Variants in SPSB4 observed in about 807,000 individuals in gnomAD.
The protein encoded by SPSB4 is SPRY domain-containing SOCS box protein 4.
In SPSB4, 21 loss-of-function variants were observed where a neutral mutation model predicts 20.9. The observed-to-expected ratio is 1.01, with a 90% CI of 0.71 to 1.45. SPSB4 has a LOEUF of 1.45. Ranked by LOEUF, SPSB4 falls within the 40% of genes most tolerant of loss-of-function variation. The pLI is 0.00. For missense variants in SPSB4, 399 were observed against 399.2 expected (o/e 1.00, Z 0.00); for synonymous variants, 207 against 183.8 (o/e 1.13, Z -1.02).
At chr3:141,141,871 T>C (rs900058767) in intron 2 of SPSB4, among the ~76,000 whole-genome samples, 4 of 152,236 alleles carry the variant, frequency 2.6e-5, no homozygotes, top group African/African-American at 9.6e-5. Flanking sequence ...CTTTTGTATT[T>C]CTGTGGTATC....
chr3:141,090,488 AGT>A (rs565512303), intron 2 of SPSB4, among the ~76,000 whole-genome samples: 420 of 152,298 alleles, frequency 2.8e-3, no homozygotes, highest in African/African-American at 9.6e-3. Flanking sequence ...TCGTGGAGAA[AGT>A]GATATTTAAG....
At chr3:141,109,289 A>G (rs1010877739) in intron 2 of SPSB4, among the ~76,000 whole-genome samples, 6 of 152,048 alleles carry the variant, frequency 3.9e-5, no homozygotes, top group South Asian at 2.1e-4. Flanking sequence ...GTGATTCAGC[A>G]CATGGAGCTT....
At position 141,127,159 on chromosome 3, in the gene SPSB4, C is replaced by A. The variant is rs368301073; in HGVS notation, c.695-19983C>A. On this transcript the variant is annotated intron_variant, in intron 2 of 2. Coordinates refer to ENST00000310546, the MANE Select transcript of SPSB4 (RefSeq NM_080862.3). ...CAGCTGGGAGGGGGTCAATAGTGAA[C>A]ACCCATGTGGCTCAGCAGGGCTGGG... 2.2e-4 allele frequency among the ~76,000 whole-genome samples: 33 copies of A among 152,370 alleles called. No individual in the cohort carries two copies. In the South Asian group the frequency reaches 2.3e-3, roughly 11 times the overall value.
At chr3:141,085,233 G>A (rs532314455) in intron 2 of SPSB4, among the ~76,000 whole-genome samples, 23 of 152,352 alleles carry the variant, frequency 1.5e-4, no homozygotes, top group African/African-American at 4.6e-4. Flanking sequence ...GGGAGAAAAT[G>A]AGGAGTTGGA....
At chr3:141,062,281 A>G (rs988850286) in intron 1 of SPSB4, among the ~76,000 whole-genome samples, 2 of 152,110 alleles carry the variant, frequency 1.3e-5, no homozygotes, top group Non-Finnish European at 2.9e-5. Context: ...ATATCATATC[A>G]AGGGTACACA....
intron 1 of SPSB4, among the ~76,000 whole-genome samples, chr3:141,056,345 A>G (rs1196911631): frequency 1.3e-5 from 2 of 152,112 alleles, no homozygotes; most frequent in African/African-American, 4.8e-5. Context: ...ATTCTATGAA[A>G]TGTGCAAGTT....
At chr3:141,107,183 C>A (rs911708383) in intron 2 of SPSB4, among the ~76,000 whole-genome samples, 1 of 152,200 alleles carries the variant, frequency 6.6e-6, no homozygotes, top group Admixed American at 6.5e-5. Context: ...CCCAAGGGAT[C>A]TGAAATGTTT....
intron 2 of SPSB4, among the ~76,000 whole-genome samples, chr3:141,086,233 G>A (rs894459373): frequency 6.6e-6 from 1 of 152,186 alleles, no homozygotes; most frequent in Non-Finnish European, 1.5e-5. Context: ...TGTGAAAGGG[G>A]GTAATACTAC....
At chr3:141,133,620 G>A (rs1164945910) in intron 2 of SPSB4, among the ~76,000 whole-genome samples, 1 of 152,118 alleles carries the variant, frequency 6.6e-6, no homozygotes, top group African/African-American at 2.4e-5. Flanking sequence ...CTTTATCTCT[G>A]GGTTCTCTAT....
intron 2 of SPSB4, among the ~76,000 whole-genome samples, chr3:141,130,515 GTCAC>G (rs1939116073): frequency 6.6e-6 from 1 of 152,166 alleles, no homozygotes; most frequent in Non-Finnish European, 1.5e-5. Flanking sequence ...TTTCAGGGCT[GTCAC>G]TCAAACCCTC....
chr3:141,064,943 G>C (rs763290621), intron 1 of SPSB4, among the ~76,000 whole-genome samples: 3 of 152,172 alleles, frequency 2.0e-5, no homozygotes, highest in Non-Finnish European at 4.4e-5. Context: ...ATCGAACAAA[G>C]AGCTCACCCA....
chr3:141,052,176 T>C (rs776373584), intron 1 of SPSB4, among the ~76,000 whole-genome samples, 184 bp downstream of exon 1: 18 of 152,100 alleles, frequency 1.2e-4, no homozygotes, highest in Non-Finnish European at 2.6e-4. Flanking sequence ...CCTGGGGCGT[T>C]TGGGGCCCGG....
chr3:141,140,108 T>C (rs1939299158), intron 2 of SPSB4, among the ~76,000 whole-genome samples: 1 of 152,238 alleles, frequency 6.6e-6, no homozygotes, highest in South Asian at 2.1e-4. Flanking sequence ...TGATACCCTT[T>C]CTTCCAGTTG....
chr3:141,055,457 C>T (rs1449253668), intron 1 of SPSB4, among the ~76,000 whole-genome samples: 1 of 152,094 alleles, frequency 6.6e-6, no homozygotes, highest in Non-Finnish European at 1.5e-5. Flanking sequence ...CCCTGGGTGC[C>T]AAGCAAAGAG....
At position 141,066,774 on chromosome 3, in the gene SPSB4, A is replaced by ACTGTGAG. The variant is rs1937894476; in HGVS notation, c.670_671insCTGTGAG (p.Met224ThrfsTer10). On this transcript the variant is annotated frameshift_variant, in exon 2 of 3. Coordinates refer to ENST00000310546, the MANE Select transcript of SPSB4 (RefSeq NM_080862.3). LOFTEE classifies it high-confidence loss of function. ...CGTGTGGGGCCACTGTGAAGTCACC[A>ACTGTGAG]TGCGCTACATCAACGGCCTTGACCG... 2 of 1,563,410 alleles carry ACTGTGAG rather than the reference A, an allele frequency of 1.3e-6. No homozygotes were observed.
At chr3:141,124,879 T>G (rs1282545779) in intron 2 of SPSB4, among the ~76,000 whole-genome samples, 4 of 152,168 alleles carry the variant, frequency 2.6e-5, no homozygotes, top group Admixed American at 2.0e-4. Flanking sequence ...TTGCTTCTGA[T>G]GCAGTAGGTC....
chr3:141,055,116 TAAGAAATGCAGATGTGGTGC>T (rs1937616642), intron 1 of SPSB4, among the ~76,000 whole-genome samples: 1 of 152,164 alleles, frequency 6.6e-6, no homozygotes, highest in Non-Finnish European at 1.5e-5. Flanking sequence ...CTGGCTCCAT[TAAGAAATGCAGATGTGGTGC>T]AAGAGATAGC....
intron 2 of SPSB4, chr3:141,132,147 C>A (rs1235850630): frequency 9.7e-6 from 4 of 413,532 alleles, no homozygotes; most frequent in African/African-American, 4.4e-5. Flanking sequence ...CCCTTTCCCC[C>A]AGGTCCCTAA....
At chr3:141,123,982 G>A (rs1314970507) in intron 2 of SPSB4, 1 of 152,266 alleles carries the variant, frequency 6.6e-6, no homozygotes, top group East Asian at 1.9e-4. Context: ...AGGAACTGGT[G>A]CTGTGTGTTA....
Sources: allele counts gnomAD v4.1 joint callset (sites outside exome capture counted in the v4.1 genomes callset), GRCh38; gene constraint gnomAD v4.1.1; transcripts MANE v1.5; gene names NCBI Gene and HGNC (gene_info 2026-07-23, HGNC 2026-07-21).